LRMDA: variants seen among roughly 807,000 people sequenced by gnomAD.
LRMDA encodes leucine rich melanocyte differentiation associated, also known as leucine-rich melanocyte differentiation-associated protein.
A neutral mutation model predicts 29.8 loss-of-function variants in LRMDA; 18 were observed. The ratio of observed to expected loss-of-function variants is 0.60; its 90% confidence interval spans 0.42 to 0.90. The LOEUF (loss-of-function observed/expected upper bound fraction) is 0.90, where lower values mean the gene tolerates loss of function less well. Among genes scored for constraint, LRMDA ranks in the 40% least tolerant of loss-of-function variants. The pLI is 0.00. For missense variants in LRMDA, 273 were observed against 273.9 expected (o/e 1.00, Z 0.02); for synonymous variants, 125 against 109.4 (o/e 1.14, Z -0.89).
chr10:75,971,251 G>T (rs960379292), intron 2 of LRMDA, among the ~76,000 whole-genome samples: 1 of 152,060 alleles, frequency 6.6e-6, no homozygotes, highest in Non-Finnish European at 1.5e-5. Flanking sequence ...AATGTCTTTT[G>T]TTCTTGGGGT....
intron 6 of LRMDA, among the ~76,000 whole-genome samples, chr10:76,383,425 T>C (rs1017587351): frequency 5.9e-5 from 8 of 136,508 alleles, no homozygotes; most frequent in East Asian, 2.1e-4. Context: ...CTTTTTTTTT[T>C]TTTTTTTTTT....
At chr10:76,200,082 C>CT (rs1851400039) in intron 5 of LRMDA, among the ~76,000 whole-genome samples, 2 of 152,158 alleles carry the variant, frequency 1.3e-5, no homozygotes, top group Admixed American at 1.3e-4. Context: ...CTGCCTCAGC[C>CT]TCCCAAGTAG....
chr10:75,511,102 C>T (rs920811036), intron 2 of LRMDA, among the ~76,000 whole-genome samples: 10 of 151,970 alleles, frequency 6.6e-5, no homozygotes, highest in African/African-American at 2.4e-4. Context: ...CTGAGGTGGG[C>T]AGATCGCTTG....
intron 2 of LRMDA, among the ~76,000 whole-genome samples, chr10:75,890,585 T>C (rs1211154585): frequency 1.3e-5 from 2 of 152,314 alleles, no homozygotes; most frequent in East Asian, 3.9e-4. Context: ...TGGATCTTGG[T>C]AGTTGTGTTC....
intron 2 of LRMDA, among the ~76,000 whole-genome samples, chr10:75,494,183 G>A (rs762195669): frequency 5.3e-5 from 8 of 152,144 alleles, no homozygotes; most frequent in Non-Finnish European, 1.0e-4. Flanking sequence ...GTTTCTTTCC[G>A]CCTAATGCTC....
chr10:75,518,494 A>T (rs995376727), intron 2 of LRMDA, among the ~76,000 whole-genome samples: 3 of 152,038 alleles, frequency 2.0e-5, no homozygotes, highest in Admixed American at 2.0e-4. Context: ...GCCTAGAGGT[A>T]TTTATAGTAT....
At chr10:76,270,518 T>G (rs922697121) in intron 5 of LRMDA, 1 of 152,474 alleles carries the variant, frequency 6.6e-6, no homozygotes, top group African/African-American at 2.4e-5. Flanking sequence ...CCTCAAGGCG[T>G]GCAGAGCAGG....
At position 75,577,655 on chromosome 10, in the gene LRMDA, A is replaced by T. The variant is rs549728790; in HGVS notation, c.131+139161A>T. ...GCCAGAGAGAAAGGTCGGGTTACCC[A>T]CAAAGGGAAGCCTATCACACTAACA... On this transcript the variant is annotated intron_variant, in intron 2 of 6. Transcript: ENST00000611255. 3.9e-4 allele frequency among the ~76,000 whole-genome samples: 60 copies of T among 152,340 alleles called. No individual in the cohort carries two copies. In the South Asian group the frequency reaches 9.3e-3, roughly 24 times the overall value.
intron 5 of LRMDA, among the ~76,000 whole-genome samples, chr10:76,302,703 T>A (rs1840496786): frequency 6.6e-6 from 1 of 152,214 alleles, no homozygotes; most frequent in Admixed American, 6.5e-5. Flanking sequence ...TGTGAGATAT[T>A]TCCTCAGACC....
At chr10:75,510,436 T>C (rs1316635068) in intron 2 of LRMDA, among the ~76,000 whole-genome samples, 1 of 152,234 alleles carries the variant, frequency 6.6e-6, no homozygotes, top group African/African-American at 2.4e-5. Context: ...TTACACACTG[T>C]AGTTTTGGAC....
chr10:76,388,148 A>G (rs969769646), intron 6 of LRMDA, among the ~76,000 whole-genome samples: 1 of 152,238 alleles, frequency 6.6e-6, no homozygotes, highest in Non-Finnish European at 1.5e-5. Context: ...TGTTCTAAGT[A>G]TTATTGTATT....
At chr10:76,324,287 G>A (rs952567177) in intron 5 of LRMDA, 114 bp from the exon 6 acceptor site, 1 of 903,478 alleles carries the variant, frequency 1.1e-6, no homozygotes, top group African/African-American at 1.7e-5. Flanking sequence ...GAAGTATCTT[G>A]GTGAATAATA....
chr10:76,292,162 A>G (rs1256572902), intron 5 of LRMDA, among the ~76,000 whole-genome samples: 1 of 152,348 alleles, frequency 6.6e-6, no homozygotes, highest in Admixed American at 6.5e-5. Context: ...GCATTAAACA[A>G]TCACTGAGAT....
intron 5 of LRMDA, among the ~76,000 whole-genome samples, chr10:76,219,824 GCACCA>G (rs1252742799): frequency 1.3e-5 from 2 of 151,894 alleles, no homozygotes; most frequent in Non-Finnish European, 2.9e-5. Context: ...TTTTTTTTCA[GCACCA>G]CACCACACCT....
chr10:75,726,694 C>A (rs991216924), intron 2 of LRMDA, among the ~76,000 whole-genome samples: 6 of 152,190 alleles, frequency 3.9e-5, no homozygotes, highest in African/African-American at 1.2e-4. Flanking sequence ...GCCTACTTAG[C>A]CTTCCTTTGG....
chr10:76,206,516 T>G (rs1275830504), intron 5 of LRMDA, among the ~76,000 whole-genome samples: 2 of 152,206 alleles, frequency 1.3e-5, no homozygotes, highest in African/African-American at 4.8e-5. Context: ...CACCTCTGTG[T>G]CCTCAGCCCC....
intron 6 of LRMDA, among the ~76,000 whole-genome samples, chr10:76,357,115 T>C (rs889022435): frequency 6.6e-6 from 1 of 152,184 alleles, no homozygotes; most frequent in African/African-American, 2.4e-5. Context: ...ACTTTTCCCC[T>C]CTCTTCCAAC....
intron 2 of LRMDA, among the ~76,000 whole-genome samples, chr10:75,916,164 A>ATGTGTGTGTGTGTGTG (rs34666507): frequency 6.4e-5 from 8 of 124,418 alleles, no homozygotes; most frequent in Non-Finnish European, 9.5e-5. Flanking sequence ...TGCCAGGCCT[A>ATGTGTGTGTGTGTGTG]TGTGTGTGTG....
chr10:76,276,311 T>G (rs1293525827), intron 5 of LRMDA, among the ~76,000 whole-genome samples: 4 of 151,908 alleles, frequency 2.6e-5, no homozygotes, highest in Admixed American at 2.6e-4. Context: ...AGCTAATTTT[T>G]TTTTTTCTTT....
Sources: gnomAD v4.1 joint callset for allele counts (sites outside exome capture counted in the v4.1 genomes callset) on GRCh38, gnomAD v4.1.1 for gene constraint, MANE v1.5 for transcripts, NCBI Gene and HGNC (gene_info 2026-07-23, HGNC 2026-07-21) for gene names.